Variants in MYO5B observed in about 807,000 individuals in gnomAD.
The protein encoded by MYO5B is unconventional myosin-Vb.
In MYO5B, 143 loss-of-function variants were observed where a neutral mutation model predicts 229.3. The ratio of observed to expected loss-of-function variants is 0.62; its 90% CI spans 0.54 to 0.72. MYO5B has a LOEUF of 0.72. Among genes scored for constraint, MYO5B ranks in the 30% least tolerant of loss-of-function variants. The pLI, the probability that MYO5B is intolerant of heterozygous loss-of-function variation, is 0.00. For missense variants in MYO5B, 2,321 were observed against 2,331.0 expected (o/e 1.00, Z 0.09); for synonymous variants, 918 against 885.2 (o/e 1.04, Z -0.66).
intron 39 of MYO5B, among the ~76,000 whole-genome samples, chr18:49,830,829 CAAAAAAAA>C (rs59785909): frequency 2.7e-5 from 2 of 72,950 alleles, no homozygotes; most frequent in East Asian, 3.3e-4. Context: ...GACTCTGTCT[CAAAAAAAA>C]AAAAAAAAAA....
At chr18:50,183,779 T>C (rs1001917217) in intron 1 of MYO5B, among the ~76,000 whole-genome samples, 7 of 152,114 alleles carry the variant, frequency 4.6e-5, no homozygotes, top group African/African-American at 1.7e-4. Context: ...GTTTGGGTTA[T>C]AGGGGCGGAT....
At chr18:50,081,964 G>T (rs1426779448) in intron 1 of MYO5B, among the ~76,000 whole-genome samples, 2 of 152,080 alleles carry the variant, frequency 1.3e-5, no homozygotes, top group African/African-American at 2.4e-5. Flanking sequence ...AATTTGTTTG[G>T]TTTAACAAAA....
intron 17 of MYO5B, among the ~76,000 whole-genome samples, chr18:49,919,580 C>T (rs1047619759): frequency 2.0e-5 from 3 of 152,170 alleles, no homozygotes; most frequent in Admixed American, 6.5e-5. Context: ...AGATGCTCAA[C>T]ATCATTAGTC....
chr18:49,840,723 C>T (rs960001858), intron 35 of MYO5B, among the ~76,000 whole-genome samples: 1 of 152,150 alleles, frequency 6.6e-6, no homozygotes, highest in Non-Finnish European at 1.5e-5. Context: ...GAGTGCAGAG[C>T]ATGGGAGAAG....
At chr18:49,906,385 A>T in intron 19 of MYO5B, 34 bp downstream of exon 19, 1 of 1,602,090 alleles carries the variant, frequency 6.2e-7, no homozygotes, top group South Asian at 1.1e-5. Context: ...CCCCACCATG[A>T]TCTGCTGCCC....
intron 1 of MYO5B, among the ~76,000 whole-genome samples, chr18:50,074,870 G>C (rs1211883041): frequency 6.6e-6 from 1 of 152,100 alleles, no homozygotes; most frequent in East Asian, 1.9e-4. Context: ...GCCCGGGCTG[G>C]AGTGCAGTGG....
chr18:49,943,729 T>C (rs970264409), intron 14 of MYO5B, among the ~76,000 whole-genome samples: 3 of 152,342 alleles, frequency 2.0e-5, no homozygotes, highest in African/African-American at 4.8e-5. Context: ...GCCTCTTCTA[T>C]ATCATGGAGT....
chr18:50,017,728 C>T (rs2144353220), intron 4 of MYO5B, among the ~76,000 whole-genome samples: 1 of 152,226 alleles, frequency 6.6e-6, no homozygotes, highest in East Asian at 1.9e-4. Context: ...ATACTTTGAG[C>T]CCATCAAAAT....
In MYO5B at chr18:50,016,217, A is replaced by G. The variant is rs985392038; in HGVS notation, c.456-14806T>C. Among the ~76,000 whole-genome samples the G allele has an allele frequency of 5.3e-5, 8 of 152,030 alleles. No individual in the cohort carries two copies. The East Asian group carries it at 1.5e-3, about 29-fold the overall frequency. ...CATTAATCTCATTCTTTTTCTTTTTATTTTGTTTGCCTTACTGTGCCTGAC... is the reference window on the plus strand; with the variant it reads ...CATTAATCTCATTCTTTTTCTTTTTGTTTTGTTTGCCTTACTGTGCCTGAC... On this transcript the variant is annotated intron_variant, in intron 4 of 39. Coordinates refer to ENST00000285039, the MANE Select transcript of MYO5B (RefSeq NM_001080467.3).
At chr18:50,133,869 G>C (rs1012736458) in intron 1 of MYO5B, among the ~76,000 whole-genome samples, 4 of 152,086 alleles carry the variant, frequency 2.6e-5, no homozygotes, top group African/African-American at 9.7e-5. Flanking sequence ...GGAGGTGGGG[G>C]GAGTTATTTA....
chr18:49,842,695 C>T (rs2024073793), intron 34 of MYO5B, among the ~76,000 whole-genome samples: 1 of 152,242 alleles, frequency 6.6e-6, no homozygotes, highest in African/African-American at 2.4e-5. Flanking sequence ...CAAGAAGAGC[C>T]TTGTGCCTTC....
chr18:50,168,614 T>TC (rs2032887283), intron 1 of MYO5B, among the ~76,000 whole-genome samples: 1 of 130,224 alleles, frequency 7.7e-6, no homozygotes, highest in Non-Finnish European at 1.7e-5. Flanking sequence ...TCCAGGACCC[T>TC]CCCCACTAGA....
chr18:50,001,985 G>A (rs1046685410), intron 4 of MYO5B, among the ~76,000 whole-genome samples: 2 of 144,592 alleles, frequency 1.4e-5, no homozygotes, highest in Admixed American at 7.2e-5. Flanking sequence ...GCAGTGAGCC[G>A]AGATCGTGCC....
chr18:49,900,347 G>A (rs1053233561), intron 21 of MYO5B, among the ~76,000 whole-genome samples: 1 of 152,204 alleles, frequency 6.6e-6, no homozygotes, highest in Non-Finnish European at 1.5e-5. Flanking sequence ...GTGTATCACA[G>A]CAGGCTGACC....
chr18:49,984,463 GT>G (rs1471154483), intron 8 of MYO5B, among the ~76,000 whole-genome samples: 1 of 152,218 alleles, frequency 6.6e-6, no homozygotes, highest in Non-Finnish European at 1.5e-5. Context: ...AGTGGAAAGG[GT>G]CACTGCACAG....
intron 13 of MYO5B, 79 bp from the exon 14 acceptor site, chr18:49,953,422 A>G (rs2025451116): frequency 1.5e-6 from 2 of 1,296,608 alleles, no homozygotes; most frequent in Admixed American, 1.7e-5. Context: ...TCATCCAGGT[A>G]GCATTTTCTG....
chr18:49,964,899 T>C (rs1446606696), intron 10 of MYO5B, among the ~76,000 whole-genome samples: 2 of 152,182 alleles, frequency 1.3e-5, no homozygotes, highest in Non-Finnish European at 2.9e-5. Flanking sequence ...TGCAGCGTAG[T>C]GGGCAGAGGC....
intron 4 of MYO5B, among the ~76,000 whole-genome samples, chr18:50,014,478 T>C (rs1300025602): frequency 6.6e-6 from 1 of 152,186 alleles, no homozygotes; most frequent in Non-Finnish European, 1.5e-5. Context: ...ACTCTCTCAT[T>C]ATGGGTTGTG....
intron 14 of MYO5B, among the ~76,000 whole-genome samples, chr18:49,947,665 C>T (rs1360480741): frequency 1.3e-5 from 2 of 152,108 alleles, no homozygotes; most frequent in Admixed American, 1.3e-4. Flanking sequence ...TTAGGGCAGC[C>T]ACCCGGGCAT....
Sources: gnomAD v4.1 joint callset for allele counts (sites outside exome capture counted in the v4.1 genomes callset) on GRCh38, gnomAD v4.1.1 for gene constraint, MANE v1.5 for transcripts, NCBI Gene and HGNC (gene_info 2026-07-23, HGNC 2026-07-21) for gene names.